RIMBP2: variants seen among roughly 807,000 people sequenced by gnomAD.
RIMBP2 encodes the protein RIMS binding protein 2, also known as RIMS-binding protein 2.
A neutral mutation model predicts 118.6 loss-of-function variants in RIMBP2; 48 were observed. The observed-to-expected ratio is 0.40, with a 90% CI of 0.32 to 0.51. RIMBP2 has a LOEUF of 0.51. Among genes scored for constraint, RIMBP2 ranks in the 20% least tolerant of loss-of-function variants. The probability of loss-of-function intolerance (pLI) is 0.41; values close to 1 mark genes in which losing one functional copy is unlikely to be tolerated. For missense variants in RIMBP2, 1,551 were observed against 1,768.3 expected, an observed-to-expected ratio of 0.88 and a Z score of 2.20; for synonymous variants, 762 against 742.9, an observed-to-expected ratio of 1.03 and a Z score of -0.42.
At chr12:130,479,445 T>C (rs2081754380) in intron 4 of RIMBP2, among the ~76,000 whole-genome samples, 1 of 152,214 alleles carries the variant, frequency 6.6e-6, no homozygotes, top group Non-Finnish European at 1.5e-5. Flanking sequence ...ATTTAAGTCA[T>C]ATCATCCCCA....
chr12:130,702,044 A>T (rs1215532156), intron 1 of RIMBP2, among the ~76,000 whole-genome samples: 2 of 152,134 alleles, frequency 1.3e-5, no homozygotes, highest in African/African-American at 4.8e-5. Flanking sequence ...TTCAGTCAAT[A>T]ATCCAGTACG....
At chr12:130,405,371 A>G (rs2075062816) in intron 21 of RIMBP2, among the ~76,000 whole-genome samples, 1 of 152,170 alleles carries the variant, frequency 6.6e-6, no homozygotes, top group South Asian at 2.1e-4. Flanking sequence ...TTGAAGAGAA[A>G]CCTACCGTCC....
intron 1 of RIMBP2, chr12:130,667,514 G>C (rs1271498322): frequency 6.6e-6 from 1 of 152,312 alleles, no homozygotes; most frequent in African/African-American, 2.4e-5. Flanking sequence ...AGCAATGTGG[G>C]GCAGGCGCTG....
chr12:130,456,461 C>G, intron 7 of RIMBP2, 35 bp downstream of exon 7: 1 of 1,527,296 alleles, frequency 6.5e-7, no homozygotes. Context: ...CATTCTCTCC[C>G]CACCACAGCC....
chr12:130,471,806 G>A (rs2081032403), intron 5 of RIMBP2: 1 of 152,538 alleles, frequency 6.6e-6, no homozygotes, highest in Non-Finnish European at 1.5e-5. Flanking sequence ...TCTTCCTCCA[G>A]CGTCAGGAGC....
At chr12:130,503,010 G>T (rs911168942) in intron 4 of RIMBP2, among the ~76,000 whole-genome samples, 1 of 152,164 alleles carries the variant, frequency 6.6e-6, no homozygotes, top group Non-Finnish European at 1.5e-5. Flanking sequence ...TCAGACTCCA[G>T]TGCTTTTCCA....
chr12:130,676,641 G>A (rs999438562), intron 1 of RIMBP2, among the ~76,000 whole-genome samples: 16 of 151,782 alleles, frequency 1.1e-4, no homozygotes, highest in Non-Finnish European at 2.2e-4. Context: ...AAAGAAAAAA[G>A]AAAAGAAAAC....
intron 4 of RIMBP2, among the ~76,000 whole-genome samples, chr12:130,492,140 C>T (rs11615062): frequency 6.6e-6 from 1 of 152,146 alleles, no homozygotes; most frequent in African/African-American, 2.4e-5. Context: ...ATCTGCTACG[C>T]GTGGTAGAAA....
chr12:130,664,429 A>ACGCACGCACGCACACACACG (rs1491556490), intron 1 of RIMBP2, among the ~76,000 whole-genome samples: 1 of 64,626 alleles, frequency 1.5e-5, no homozygotes, highest in Non-Finnish European at 4.0e-5. Context: ...ACGCACACAC[A>ACGCACGCACGCACACACACG]TGCATGCACG....
chr12:130,650,950 GTTTTT>G (rs60984430), intron 1 of RIMBP2, among the ~76,000 whole-genome samples: 1 of 126,348 alleles, frequency 7.9e-6, no homozygotes, highest in Non-Finnish European at 1.6e-5. Context: ...ACACAGCCTT[GTTTTT>G]TTTAAAAAAA....
In RIMBP2 at chr12:130,422,481, C is replaced by A. The variant is rs1446887742; in HGVS notation, c.3210G>T (p.Arg1070Ser). Residue 1070 changes from arginine (R) to serine (S), a missense_variant, in exon 17 of 23, where the codon AGG (arginine) becomes AGT (serine). Coordinates refer to ENST00000690449, the MANE Select transcript of RIMBP2 (RefSeq NM_001393629.1). This position sits in a 1 kb window ranked among gnomAD's most constrained non-coding sequence, Gnocchi z 5.2. ...RFPRGSAGPQ[R>S]SRPVTVPSID... ...TGGATGGGACTGTCACGGGCCGGGA[C>A]CTCTGAGGACCAGCGCTGCCACGGG... 2 of 1,612,746 alleles carry A rather than the reference C, an allele frequency of 1.2e-6. No individual in the cohort carries two copies. The highest frequency in any genetic ancestry group is 2.7e-5 in the African/African-American group (2 of 74,914).
intron 9 of RIMBP2, among the ~76,000 whole-genome samples, chr12:130,448,348 A>C (rs2078713675): frequency 6.6e-6 from 1 of 152,160 alleles, no homozygotes; most frequent in Non-Finnish European, 1.5e-5. Flanking sequence ...TCTCCATAGA[A>C]GTGGCAGGAA....
chr12:130,595,271 C>T (rs995813648), intron 2 of RIMBP2, among the ~76,000 whole-genome samples: 2 of 152,120 alleles, frequency 1.3e-5, no homozygotes. Context: ...ATTAAAACTT[C>T]ATCTTGGCCG....
chr12:130,606,206 TGA>T (rs1189539504), intron 2 of RIMBP2, among the ~76,000 whole-genome samples: 1 of 152,228 alleles, frequency 6.6e-6, no homozygotes, highest in Non-Finnish European at 1.5e-5. Context: ...TGGCCCTGCC[TGA>T]GAGTCTATAT....
At position 130,660,995 on chromosome 12, in the gene RIMBP2, G is replaced by C. The variant is rs180969986; in HGVS notation, c.-351-32539C>G. 1.3e-3 allele frequency among the ~76,000 whole-genome samples: 200 copies of C among 152,332 alleles called. 1 individual carries two copies. Among genetic ancestry groups the C allele is most frequent in the Middle Eastern group, 6.8e-3 (2 of 292 alleles). ...GCACTTTGGGAGGCCAAGGCAGGAG[G>C]ATCACTTGAGCCCAGGAGTTCAAGA... On this transcript the variant is annotated intron_variant, in intron 1 of 22. Coordinates refer to ENST00000690449, the MANE Select transcript of RIMBP2 (RefSeq NM_001393629.1).
chr12:130,399,461 A>C (rs1316809146), intron 22 of RIMBP2, among the ~76,000 whole-genome samples: 1 of 152,140 alleles, frequency 6.6e-6, no homozygotes, highest in Non-Finnish European at 1.5e-5. Flanking sequence ...AGGCAGATTG[A>C]TTGATTAGAA....
chr12:130,418,567 A>T (rs893327114), intron 17 of RIMBP2, among the ~76,000 whole-genome samples: 1 of 152,176 alleles, frequency 6.6e-6, no homozygotes, highest in Non-Finnish European at 1.5e-5. Context: ...GAAAAATGCC[A>T]GTGGAGGAGA....
intron 2 of RIMBP2, among the ~76,000 whole-genome samples, chr12:130,589,423 C>T (rs2059122350): frequency 6.6e-6 from 1 of 152,234 alleles, no homozygotes; most frequent in Non-Finnish European, 1.5e-5. Context: ...CAATGAATCA[C>T]TTTCTTCTCT....
intron 1 of RIMBP2, among the ~76,000 whole-genome samples, chr12:130,681,105 A>T (rs748238957): frequency 1.6e-4 from 24 of 152,248 alleles, no homozygotes; most frequent in Non-Finnish European, 3.1e-4. Context: ...GAGGAACAAT[A>T]ATTGCAAGTT....
Sources: gnomAD v4.1 joint callset for allele counts (sites outside exome capture counted in the v4.1 genomes callset) on GRCh38, gnomAD v4.1.1 for gene constraint, Gnocchi (gnomAD v3.1) non-coding constraint, MANE v1.5 for transcripts, NCBI Gene and HGNC (gene_info 2026-07-23, HGNC 2026-07-21) for gene names.